FHAD1: variants seen among roughly 807,000 people sequenced by gnomAD.
The protein encoded by FHAD1 is forkhead-associated domain-containing protein 1.
Under a neutral mutation model 191.3 loss-of-function variants are expected in FHAD1, and 146 were observed. That is an observed-to-expected ratio of 0.76 (90% CI 0.67 to 0.88). FHAD1 has a LOEUF of 0.88. Ranked by LOEUF, FHAD1 falls within the 40% of genes least tolerant of loss-of-function variation. The pLI, the probability that FHAD1 is intolerant of heterozygous loss-of-function variation, is 0.00. For missense variants in FHAD1, 1,635 were observed against 1,785.8 expected (o/e 0.92, Z 1.52); for synonymous variants, 616 against 672.3 (o/e 0.92, Z 1.29).
chr1:15,293,519 A>C (rs938074978), intron 4 of FHAD1, among the ~76,000 whole-genome samples: 1 of 152,166 alleles, frequency 6.6e-6, no homozygotes, highest in Non-Finnish European at 1.5e-5. Flanking sequence ...GGAGTCTGAG[A>C]CCAGCCTGAC....
chr1:15,348,479 C>T (rs917668843), intron 18 of FHAD1, among the ~76,000 whole-genome samples: 2 of 152,148 alleles, frequency 1.3e-5, no homozygotes, highest in Admixed American at 6.5e-5. Flanking sequence ...TGATTAGGGC[C>T]ACTAAATACT....
chr1:15,372,268 G>T (rs560740673), intron 26 of FHAD1, among the ~76,000 whole-genome samples: 3 of 152,274 alleles, frequency 2.0e-5, no homozygotes, highest in Admixed American at 2.0e-4. Context: ...GAGGGCCTCA[G>T]ACGGCACTGT....
At chr1:15,284,092 AG>A (rs1254900975) in intron 3 of FHAD1, among the ~76,000 whole-genome samples, 1 of 152,106 alleles carries the variant, frequency 6.6e-6, no homozygotes, top group Non-Finnish European at 1.5e-5. Flanking sequence ...CCTACCCCAG[AG>A]TTATTCTCGT....
At chr1:15,295,945 G>T (rs1666815893) in intron 4 of FHAD1, among the ~76,000 whole-genome samples, 1 of 152,230 alleles carries the variant, frequency 6.6e-6, no homozygotes, top group Admixed American at 6.5e-5. Flanking sequence ...TAGTTTGCCA[G>T]TCCCTGCTCT....
Position 15,294,694 on chromosome 1 carries a change from G to A in FHAD1, c.569-1990G>A, listed in dbSNP as rs116110437. 7.2e-4 allele frequency among the ~76,000 whole-genome samples: 110 copies of A among 152,124 alleles called. 1 individual carries two copies. Among genetic ancestry groups the A allele is most frequent in the African/African-American group, 2.0e-3 (85 of 41,510 alleles). On this transcript the variant is annotated intron_variant, in intron 4 of 33. Transcript: ENST00000688493. ...AGGTGTGAGCCACCAGGCCTGGCCC[G>A]GCCTGTGCATTGTTGAGTGTTTAGC... is the stretch of plus-strand genomic sequence containing the variant.
chr1:15,382,275 G>C (rs1234669466), intron 31 of FHAD1, 82 bp downstream of exon 31: 4 of 1,377,244 alleles, frequency 2.9e-6, no homozygotes, highest in Non-Finnish European at 4.0e-6. Flanking sequence ...GTCCCTGGAG[G>C]ATCCAGGTAG....
chr1:15,396,088 T>C (rs1705863695), intron 33 of FHAD1, among the ~76,000 whole-genome samples: 1 of 152,152 alleles, frequency 6.6e-6, no homozygotes, highest in African/African-American at 2.4e-5. Flanking sequence ...GGAGAGCAGA[T>C]CACTTGAGCC....
chr1:15,246,024 AAAG>A (rs1318112489), upstream of FHAD1, among the ~76,000 whole-genome samples: 1 of 152,226 alleles, frequency 6.6e-6, no homozygotes, highest in Non-Finnish European at 1.5e-5. Flanking sequence ...TTTACAAAGA[AAAG>A]AAGTTTAATT....
chr1:15,381,976 A>G lies in FHAD1; in HGVS notation c.4023-52A>G, dbSNP rs1701023958. 1.0e-5 allele frequency: 16 copies of G among 1,537,462 alleles called. No homozygotes were observed. The highest frequency in any genetic ancestry group is 2.0e-5 in the Admixed American group (1 of 50,208). Reference sequence around the variant, plus strand: ...GACTTCCGGGTCTGGCACATTGATGATGATTGGGAAAGATAAGGGAAAAAC... The same window carrying G: ...GACTTCCGGGTCTGGCACATTGATGGTGATTGGGAAAGATAAGGGAAAAAC... On this transcript the variant is annotated intron_variant, in intron 30 of 33. Transcript: ENST00000688493. The surrounding 1 kb of genome is among the most constrained non-coding windows in gnomAD (Gnocchi z 4.6).
chr1:15,281,008 G>T (rs1006307242), intron 3 of FHAD1, among the ~76,000 whole-genome samples: 3 of 152,170 alleles, frequency 2.0e-5, no homozygotes, highest in Non-Finnish European at 4.4e-5. Context: ...ATGTAACTTG[G>T]CTGTTCTGTG....
rs1678315150 is a variant in FHAD1, at chr1:15,325,837, A to G, written c.1474-1222A>G. On this transcript the variant is annotated intron_variant, in intron 11 of 33. Coordinates refer to ENST00000688493, the MANE Select transcript of FHAD1 (RefSeq NM_001391957.1). This position sits in a 1 kb window ranked among gnomAD's most constrained non-coding sequence, Gnocchi z 4.6. Reference sequence around the variant, plus strand: ...CCTCCCAGTGCCTTCCCTCTCCTGTATCTCCAAGGCCCTGCTCCCTGTCCA... The same window carrying G: ...CCTCCCAGTGCCTTCCCTCTCCTGTGTCTCCAAGGCCCTGCTCCCTGTCCA... 1 of 152,758 alleles carries G rather than the reference A, an allele frequency of 6.5e-6. No individual in the cohort carries two copies. Among genetic ancestry groups the G allele is most frequent in the Non-Finnish European group, 1.5e-5 (1 of 68,490 alleles). The allele number at this position is 152,758 out of a possible 1,614,324, so 9.5% of individuals were successfully genotyped here.
rs75216138 is a variant in FHAD1, at chr1:15,381,957, C to T, written c.4023-71C>T. ...CTGTGGATGTATTTTGAGAGACTTC[C>T]GGGTCTGGCACATTGATGATGATTG... On this transcript the variant is annotated intron_variant, in intron 30 of 33. Coordinates refer to ENST00000688493, the MANE Select transcript of FHAD1 (RefSeq NM_001391957.1). The surrounding 1 kb of genome is among the most constrained non-coding windows in gnomAD (Gnocchi z 4.6). 0.011 allele frequency: 16,960 copies of T among 1,503,702 alleles called. 126 individuals are homozygous for T. The highest frequency in any genetic ancestry group is 0.014 in the Non-Finnish European group (15,060 of 1,113,028). The allele number at this position is 1,503,702 out of a possible 1,614,324, so 93.1% of individuals were successfully genotyped here.
chr1:15,346,962 T>C (rs948484201), intron 18 of FHAD1, among the ~76,000 whole-genome samples: 1 of 152,180 alleles, frequency 6.6e-6, no homozygotes. Flanking sequence ...TCTTCTTCTG[T>C]TTGGGCATTT....
At position 15,361,802 on chromosome 1, in the gene FHAD1, C is replaced by T. The variant is rs909888605; in HGVS notation, c.2963-840C>T. ...CCGGCGGATCACTAGGCCAAGAGAT[C>T]GAGACCATCCTGGCCAACATGGTGA... On this transcript the variant is annotated intron_variant, in intron 22 of 33. Transcript: ENST00000688493. Among the ~76,000 whole-genome samples, 35 of 151,814 alleles carry T rather than the reference C, an allele frequency of 2.3e-4. 1 individual carries two copies. Among genetic ancestry groups the T allele is most frequent in the Admixed American group, 2.3e-3 (35 of 15,224 alleles).
intron 3 of FHAD1, among the ~76,000 whole-genome samples, chr1:15,277,175 G>A (rs1471108938): frequency 6.6e-6 from 1 of 152,142 alleles, no homozygotes; most frequent in East Asian, 1.9e-4. Flanking sequence ...TCCCATTCCA[G>A]CCAGAGCTTC....
At chr1:15,269,975 G>A (rs2101167690) in intron 2 of FHAD1, among the ~76,000 whole-genome samples, 1 of 144,016 alleles carries the variant, frequency 6.9e-6, no homozygotes, top group Non-Finnish European at 1.5e-5. Flanking sequence ...CAATGGCATG[G>A]TCTCAGCTCA....
rs893182865 is a variant in FHAD1 at position 15,316,418 on chromosome 1, A to G, written c.1211A>G (p.His404Arg). Residue 404 changes from histidine (H) to arginine (R), a missense_variant, in exon 9 of 34, where the codon CAC becomes CGC. Transcript: ENST00000688493. This position sits in a 1 kb window ranked among gnomAD's most constrained non-coding sequence, Gnocchi z 4.3. ...GAAGAGTTAAAACAGGAAGATGCTC[A>G]CAGGGAGCTCAGGGAAGCCCAGGAG... ...LKEELKQEDA[H>R]RELREAQEKE... is the part of the protein sequence containing the mutation. 1.4e-5 allele frequency: 22 copies of G among 1,551,646 alleles called. No individual in the cohort carries two copies. Among genetic ancestry groups the G allele is most frequent in the Admixed American group, 2.0e-5 (1 of 50,992 alleles).
chr1:15,321,313 T>C (rs1044050337), intron 10 of FHAD1, among the ~76,000 whole-genome samples: 1 of 152,258 alleles, frequency 6.6e-6, no homozygotes, highest in East Asian at 1.9e-4. Flanking sequence ...TTAGTAATCA[T>C]AAGACAATAG....
chr1:15,321,014 A>T (rs1304175208), intron 10 of FHAD1, among the ~76,000 whole-genome samples: 1 of 152,192 alleles, frequency 6.6e-6, no homozygotes, highest in African/African-American at 2.4e-5. Context: ...AGCTCACTGC[A>T]ACCTCCACCT....
Sources: allele counts gnomAD v4.1 joint callset (sites outside exome capture counted in the v4.1 genomes callset), GRCh38; gene constraint gnomAD v4.1.1; non-coding constraint Gnocchi (gnomAD v3.1); transcripts MANE v1.5; gene names NCBI Gene and HGNC (gene_info 2026-07-23, HGNC 2026-07-21).